The following C12orf56 variants were observed in gnomAD, a reference collection of about 807,000 sequenced individuals.
C12orf56 encodes the protein uncharacterized protein C12orf56.
C12orf56 carries 71 observed loss-of-function variants against 69.9 expected under a neutral mutation model. That is an observed-to-expected ratio of 1.02 (90% CI 0.84 to 1.24). C12orf56 has a LOEUF of 1.24. C12orf56 is among the 50% of genes most tolerant of loss of function. The probability of loss-of-function intolerance (pLI) is 0.00; values close to 1 mark genes in which losing one functional copy is unlikely to be tolerated. For synonymous variants in C12orf56, 276 were observed against 274.1 expected, an observed-to-expected ratio of 1.01 and a Z score of -0.07; for missense variants, 732 against 738.5, an observed-to-expected ratio of 0.99 and a Z score of 0.10.
At position 64,390,574 on chromosome 12, in the gene C12orf56, C is replaced by G. The variant is rs568595548; in HGVS notation, c.-9G>C. On this transcript the variant is annotated 5_prime_UTR_variant, in exon 1 of 13. Coordinates refer to ENST00000543942, the MANE Select transcript of C12orf56 (RefSeq NM_001170633.2). Reference sequence around the variant, plus strand: ...GGCAAGGGGCTGGCCATGCCCGGCGCCCGCAGCGTGGCGGAGTGCTGGGAC... The same window carrying G: ...GGCAAGGGGCTGGCCATGCCCGGCGGCCGCAGCGTGGCGGAGTGCTGGGAC... 39 of 1,556,046 alleles carry G rather than the reference C, an allele frequency of 2.5e-5. No individual in the cohort carries two copies. The highest frequency in any genetic ancestry group is 3.4e-5 in the Non-Finnish European group (39 of 1,157,806).
intron 3 of C12orf56, among the ~76,000 whole-genome samples, chr12:64,324,883 A>C (rs1353210648): frequency 2.0e-5 from 3 of 152,030 alleles, no homozygotes; most frequent in Non-Finnish European, 4.4e-5. Context: ...CATATTATGA[A>C]CTCAGGAGTT....
chr12:64,322,983 G>A (rs1238255165), intron 3 of C12orf56, among the ~76,000 whole-genome samples: 1 of 152,202 alleles, frequency 6.6e-6, no homozygotes, highest in African/African-American at 2.4e-5. Context: ...TTTTTCAGCA[G>A]TGTGTCATTT....
intron 1 of C12orf56, among the ~76,000 whole-genome samples, chr12:64,372,016 A>G (rs576435502): frequency 1.3e-5 from 2 of 151,834 alleles, no homozygotes; most frequent in African/African-American, 4.8e-5. Flanking sequence ...ACTGACCTCA[A>G]GTGACCCTCC....
chr12:64,332,775 G>A (rs1025322588), intron 2 of C12orf56, among the ~76,000 whole-genome samples: 2 of 152,196 alleles, frequency 1.3e-5, no homozygotes, highest in South Asian at 4.1e-4. Context: ...TTGAGAGACA[G>A]GGCTAGAAGT....
chr12:64,343,453 G>A (rs961340396), intron 2 of C12orf56, among the ~76,000 whole-genome samples: 2 of 152,204 alleles, frequency 1.3e-5, no homozygotes, highest in African/African-American at 4.8e-5. Context: ...GACAATAAAG[G>A]TATATTGCTG....
intron 8 of C12orf56, among the ~76,000 whole-genome samples, chr12:64,282,493 G>A (rs770361147): frequency 1.9e-4 from 29 of 151,796 alleles, no homozygotes; most frequent in Non-Finnish European, 1.6e-4. Context: ...ATAATATGCC[G>A]GCTTGGCACA....
chr12:64,371,501 T>G (rs992580005), intron 1 of C12orf56, among the ~76,000 whole-genome samples: 1 of 152,090 alleles, frequency 6.6e-6, no homozygotes, highest in Non-Finnish European at 1.5e-5. Context: ...AAGACTTAAA[T>G]GTTAAGAACT....
At position 64,390,472 on chromosome 12, in the gene C12orf56, C is replaced by A. The variant is rs1353801972; in HGVS notation, c.94G>T (p.Ala32Ser). Residue 32 changes from alanine to serine, a missense_variant, in exon 1 of 13, where the codon GCG (alanine) becomes TCG (serine). Ala to Ser is a moderately conservative substitution (Grantham distance 99). Transcript: ENST00000543942. ...RRHLPPEVYDAVRAYEPCIVV... is the reference protein window; with the variant it reads ...RRHLPPEVYDSVRAYEPCIVV... Reference sequence around the variant, plus strand: ...ATGCATGGCTCGTAGGCGCGGACCGCGTCGTAGACCTCGGGCGGCAGATGC... The same window carrying A: ...ATGCATGGCTCGTAGGCGCGGACCGAGTCGTAGACCTCGGGCGGCAGATGC... 2 of 1,606,464 alleles carry A rather than the reference C, an allele frequency of 1.2e-6. No homozygotes were observed. The highest frequency in any genetic ancestry group is 8.5e-7 in the Non-Finnish European group (1 of 1,179,644).
intron 1 of C12orf56, among the ~76,000 whole-genome samples, chr12:64,380,135 CAAAACAAACA>C (rs1565783172): frequency 2.3e-5 from 1 of 43,264 alleles, no homozygotes; most frequent in African/African-American, 6.2e-5. Flanking sequence ...AAAAAAAAAA[CAAAACAAACA>C]AAAAAAAACG....
chr12:64,314,826 G>A (rs921241080), intron 4 of C12orf56, among the ~76,000 whole-genome samples: 5 of 151,348 alleles, frequency 3.3e-5, no homozygotes, highest in African/African-American at 7.3e-5. Flanking sequence ...TAGTAGAGAC[G>A]GGGTTTCACC....
At chr12:64,313,270 A>AAAAAAAAAGAAAG (rs2038644460) in intron 4 of C12orf56, among the ~76,000 whole-genome samples, 1 of 33,186 alleles carries the variant, frequency 3.0e-5, no homozygotes. Flanking sequence ...TCAAAAAAAA[A>AAAAAAAAAGAAAG]AAAAAAAGAA....
intron 1 of C12orf56, among the ~76,000 whole-genome samples, chr12:64,376,060 G>A (rs1397771088): frequency 2.8e-5 from 1 of 35,438 alleles, no homozygotes; most frequent in African/African-American, 5.8e-5. Context: ...GCAAATAGAT[G>A]AGATGCACCA....
At position 64,284,673 on chromosome 12, in the gene C12orf56, G is replaced by A; in HGVS notation, c.1301C>T (p.Ala434Val). The A allele has an allele frequency of 6.2e-7, 1 of 1,608,654 alleles. No homozygotes were observed. Among genetic ancestry groups the A allele is most frequent in the Non-Finnish European group, 8.5e-7 (1 of 1,177,940 alleles). Residue 434 changes from alanine (A) to valine (V), a missense_variant, in exon 8 of 13, where the codon GCA (alanine) becomes GTA (valine). By Grantham distance (64) the Ala-to-Val change is moderately conservative (BLOSUM62 0). Transcript: ENST00000543942. ...TTCTAAAAGACCTTACTTCTTAGCT[G>A]CCAATGTGTTCAGGCGTGATGACTC... ...ETESSRLNTL[A>V]AKKGALFNLL...
chr12:64,341,842 T>A (rs1276582554), intron 2 of C12orf56, among the ~76,000 whole-genome samples: 2 of 152,140 alleles, frequency 1.3e-5, no homozygotes, highest in Non-Finnish European at 2.9e-5. Flanking sequence ...GCTGGCAAAT[T>A]GGGCACTCAG....
chr12:64,343,893 G>T (rs569926791), intron 2 of C12orf56, among the ~76,000 whole-genome samples: 1 of 152,162 alleles, frequency 6.6e-6, no homozygotes, highest in Admixed American at 6.6e-5. Flanking sequence ...GCCAATGTGG[G>T]GGTTCTGCCA....
At chr12:64,311,233 G>A (rs935267487) in intron 5 of C12orf56, among the ~76,000 whole-genome samples, 9 of 151,898 alleles carry the variant, frequency 5.9e-5, no homozygotes, top group African/African-American at 1.5e-4. Context: ...TCAGGAGTTC[G>A]AGACCAGCCT....
chr12:64,383,168 A>G (rs1056478923), intron 1 of C12orf56, among the ~76,000 whole-genome samples: 1 of 151,712 alleles, frequency 6.6e-6, no homozygotes, highest in Non-Finnish European at 1.5e-5. Flanking sequence ...ATTACAAAAA[A>G]TAGCCGAGCA....
chr12:64,352,109 T>TG (rs1565770160), intron 2 of C12orf56, among the ~76,000 whole-genome samples: 24 of 115,546 alleles, frequency 2.1e-4, no homozygotes, highest in African/African-American at 6.7e-4. Context: ...GTTTTTTTTT[T>TG]TTTTTTGTTT....
rs1465862061 is a variant in C12orf56 at position 64,386,384 on chromosome 12, T to TTATATA, written c.252+3924_252+3929dup. Among the ~76,000 whole-genome samples, 208 of 104,116 alleles carry TTATATA rather than the reference T, an allele frequency of 2.0e-3. 5 individuals carry two copies. Among genetic ancestry groups the TTATATA allele is most frequent in the East Asian group, 7.3e-3 (17 of 2,320 alleles). The allele number at this position is 104,116 out of a possible 152,430, so 68.3% of individuals were successfully genotyped here. A position where few individuals can be genotyped will look rare whatever the true frequency, so the allele number is the denominator to read the frequency against. ...GTGTGCTACCACTGCTGGCTAATTT[T>TTATATA]TATATATATATATATTTTTTTTTTT... On this transcript the variant is annotated intron_variant, in intron 1 of 12. Coordinates refer to ENST00000543942, the MANE Select transcript of C12orf56 (RefSeq NM_001170633.2).
Sources: gnomAD v4.1 joint callset for allele counts (sites outside exome capture counted in the v4.1 genomes callset) on GRCh38, gnomAD v4.1.1 for gene constraint, MANE v1.5 for transcripts, NCBI Gene and HGNC (gene_info 2026-07-23, HGNC 2026-07-21) for gene names.